Variants in TRPC4AP observed in about 807,000 individuals in gnomAD.
TRPC4AP encodes the protein transient receptor potential cation channel subfamily C member 4 associated protein.
In TRPC4AP, 45 loss-of-function variants were observed where a neutral mutation model predicts 99.0. The observed-to-expected ratio is 0.45, with a 90% CI of 0.36 to 0.58. The LOEUF (loss-of-function observed/expected upper bound fraction) is 0.58, where lower values mean the gene tolerates loss of function less well. Ranked by LOEUF, TRPC4AP falls within the 20% of genes least tolerant of loss-of-function variation. The probability of loss-of-function intolerance (pLI) is 0.00; values close to 1 mark genes in which losing one functional copy is unlikely to be tolerated. For synonymous variants in TRPC4AP, 408 were observed against 385.8 expected (o/e 1.06, Z -0.67); for missense variants, 879 against 985.3 (o/e 0.89, Z 1.44).
chr20:35,073,734 T>C (rs1483367433), intron 2 of TRPC4AP, among the ~76,000 whole-genome samples: 1 of 152,220 alleles, frequency 6.6e-6, no homozygotes, highest in Admixed American at 6.5e-5. Flanking sequence ...TAAAATTCTC[T>C]TTTGTTATGT....
intron 5 of TRPC4AP, among the ~76,000 whole-genome samples, chr20:35,050,871 C>T (rs1208772607): frequency 6.6e-6 from 1 of 152,102 alleles, no homozygotes; most frequent in Non-Finnish European, 1.5e-5. Flanking sequence ...GTGGCTCACA[C>T]CTGTAATCCC....
chr20:35,074,278 G>T (rs1308546124), intron 2 of TRPC4AP, among the ~76,000 whole-genome samples: 1 of 152,086 alleles, frequency 6.6e-6, no homozygotes, highest in Non-Finnish European at 1.5e-5. Flanking sequence ...CTTCAGTACT[G>T]CTCTGATCTT....
At chr20:35,087,633 C>G (rs2084925732) in intron 1 of TRPC4AP, among the ~76,000 whole-genome samples, 1 of 152,108 alleles carries the variant, frequency 6.6e-6, no homozygotes, top group Non-Finnish European at 1.5e-5. Context: ...GTAAGGAATC[C>G]AGAATTGATT....
At chr20:35,053,073 T>A (rs2083742491) in intron 5 of TRPC4AP, among the ~76,000 whole-genome samples, 1 of 152,212 alleles carries the variant, frequency 6.6e-6, no homozygotes, top group Admixed American at 6.5e-5. Flanking sequence ...AGTTGATATA[T>A]AATAAAGGTA....
chr20:35,006,714 G>C, intron 14 of TRPC4AP, 139 bp from the exon 15 acceptor site: 1 of 1,181,094 alleles, frequency 8.5e-7, no homozygotes. Context: ...CTTGTCTGAG[G>C]ATGCTGGTGG....
chr20:35,070,083 C>T (rs2084264350), intron 2 of TRPC4AP, among the ~76,000 whole-genome samples: 1 of 152,196 alleles, frequency 6.6e-6, no homozygotes, highest in Non-Finnish European at 1.5e-5. Context: ...CTCCAGCTGA[C>T]AGCCAGCACC....
intron 2 of TRPC4AP, among the ~76,000 whole-genome samples, chr20:35,071,159 T>C (rs1319106166): frequency 1.3e-5 from 2 of 152,248 alleles, no homozygotes; most frequent in Non-Finnish European, 2.9e-5. Flanking sequence ...AATTAGTTTC[T>C]ATTACATTTT....
intron 6 of TRPC4AP, among the ~76,000 whole-genome samples, chr20:35,047,976 A>G (rs2083598819): frequency 6.6e-6 from 1 of 152,170 alleles, no homozygotes; most frequent in Non-Finnish European, 1.5e-5. Flanking sequence ...TTCTGCTGAT[A>G]AACATTTATC....
chr20:35,015,461 CTTTTT>C (rs57896641), intron 10 of TRPC4AP, among the ~76,000 whole-genome samples: 1 of 126,138 alleles, frequency 7.9e-6, no homozygotes, highest in African/African-American at 3.0e-5. Flanking sequence ...CAGGCAGGAA[CTTTTT>C]TTTTTTTTTT....
intron 3 of TRPC4AP, among the ~76,000 whole-genome samples, chr20:35,059,793 A>C (rs1288580948): frequency 2.7e-5 from 4 of 150,664 alleles, no homozygotes; most frequent in South Asian, 2.1e-4. Flanking sequence ...ATGAAGAAGA[A>C]GGCGAAGACG....
At chr20:35,087,105 G>A (rs933397075) in intron 1 of TRPC4AP, among the ~76,000 whole-genome samples, 3 of 151,196 alleles carry the variant, frequency 2.0e-5, no homozygotes, top group Admixed American at 6.6e-5. Context: ...CGAGGTGGGC[G>A]GATCATGAGG....
intron 2 of TRPC4AP, among the ~76,000 whole-genome samples, chr20:35,072,265 T>C (rs1368706987): frequency 6.6e-6 from 1 of 152,244 alleles, no homozygotes; most frequent in Non-Finnish European, 1.5e-5. Context: ...TCTTTTGCTA[T>C]GCAGAAGCTC....
In TRPC4AP at chr20:35,004,577, A is replaced by AG; in HGVS notation, c.1937-8dup. The AG allele has an allele frequency of 1.2e-6, 2 of 1,612,130 alleles. No individual in the cohort carries two copies. Among genetic ancestry groups the AG allele is most frequent in the Non-Finnish European group, 1.7e-6 (2 of 1,178,892 alleles). On this transcript the variant is annotated splice_polypyrimidine_tract_variant and splice_region_variant and intron_variant, in intron 16 of 18. Coordinates refer to ENST00000252015, the MANE Select transcript of TRPC4AP (RefSeq NM_015638.3). ...TCAGACAGTACCTCGGCAACTGTGG[A>AG]GGGAGGCAGGGGTGCAGCAGGTCAG... is the stretch of plus-strand genomic sequence containing the variant.
intron 1 of TRPC4AP, among the ~76,000 whole-genome samples, chr20:35,083,111 C>T (rs1178828010): frequency 6.6e-6 from 1 of 152,012 alleles, no homozygotes; most frequent in African/African-American, 2.4e-5. Context: ...GTACAGTATA[C>T]AATCCAAAAG....
Position 35,045,518 on chromosome 20 carries a change from G to A in TRPC4AP, c.658-806C>T, listed in dbSNP as rs570096854. Among the ~76,000 whole-genome samples the A allele has an allele frequency of 7.1e-4, 108 of 152,082 alleles. 1 individual carries two copies. The highest frequency in any genetic ancestry group is 2.4e-3 in the African/African-American group (100 of 41,506). On this transcript the variant is annotated intron_variant, in intron 6 of 18. Coordinates refer to ENST00000252015, the MANE Select transcript of TRPC4AP (RefSeq NM_015638.3). ...CCCAAGTAGCTAGGACTACAGGTGC[G>A]TGTCATTACACCTGGCTACTTTTTT...
At position 35,069,431 on chromosome 20, in the gene TRPC4AP, A is replaced by G; in HGVS notation, c.298-19T>C. On this transcript the variant is annotated intron_variant, in intron 2 of 18. Coordinates refer to ENST00000252015, the MANE Select transcript of TRPC4AP (RefSeq NM_015638.3). The stretch of plus-strand genomic sequence containing the variant: ...AAATTTCCTAGTTTTTTTAAAAAAA[A>G]GTACATACATTGTTTTAGTAACCAA... 6.7e-7 allele frequency: 1 copy of G among 1,492,666 alleles called. No individual in the cohort carries two copies. The highest frequency in any genetic ancestry group is 1.1e-5 in the South Asian group (1 of 87,796). The allele number at this position is 1,492,666 out of a possible 1,614,324, so 92.5% of individuals were successfully genotyped here.
intron 5 of TRPC4AP, among the ~76,000 whole-genome samples, chr20:35,052,256 G>A (rs778516528): frequency 6.0e-4 from 91 of 151,588 alleles, no homozygotes; most frequent in African/African-American, 1.4e-3. Context: ...ATAACACCAC[G>A]TCCAGCCAGT....
chr20:35,051,736 A>C (rs2083704993), intron 5 of TRPC4AP, among the ~76,000 whole-genome samples: 1 of 152,224 alleles, frequency 6.6e-6, no homozygotes, highest in Admixed American at 6.5e-5. Context: ...GAAGATCCAA[A>C]GAAACAGAAC....
intron 10 of TRPC4AP, among the ~76,000 whole-genome samples, chr20:35,014,517 A>C (rs2082707533): frequency 6.6e-6 from 1 of 152,110 alleles, no homozygotes; most frequent in African/African-American, 2.4e-5. Flanking sequence ...CCCCATGAGC[A>C]ATCGAAAGAG....
Sources: allele counts gnomAD v4.1 joint callset (sites outside exome capture counted in the v4.1 genomes callset), GRCh38; gene constraint gnomAD v4.1.1; transcripts MANE v1.5; gene names NCBI Gene and HGNC (gene_info 2026-07-23, HGNC 2026-07-21).